AK5: variants seen among roughly 807,000 people sequenced by gnomAD.
The protein encoded by AK5 is adenylate kinase isoenzyme 5.
In AK5, 27 loss-of-function variants were observed where a neutral mutation model predicts 69.5. The ratio of observed to expected loss-of-function variants is 0.39; its 90% CI spans 0.29 to 0.54. The LOEUF is 0.54. Among genes scored for constraint, AK5 ranks in the 20% least tolerant of loss-of-function variants. The probability of loss-of-function intolerance (pLI) is 0.71; values close to 1 mark genes in which losing one functional copy is unlikely to be tolerated. For missense variants in AK5, 531 were observed against 700.4 expected, an observed-to-expected ratio of 0.76 and a Z score of 2.73; for synonymous variants, 260 against 244.4, an observed-to-expected ratio of 1.06 and a Z score of -0.60.
chr1:77,359,241 G>A (rs571605339), intron 6 of AK5, among the ~76,000 whole-genome samples: 18 of 149,146 alleles, frequency 1.2e-4, no homozygotes, highest in Admixed American at 2.0e-4. Context: ...GCGACAGAGC[G>A]AGACTCTGTC....
intron 8 of AK5, among the ~76,000 whole-genome samples, chr1:77,477,040 G>A (rs1158669576): frequency 6.6e-6 from 1 of 151,756 alleles, no homozygotes; most frequent in Non-Finnish European, 1.5e-5. Flanking sequence ...GCGTGTGTGT[G>A]TTTCTGAGAC....
intron 8 of AK5, among the ~76,000 whole-genome samples, chr1:77,435,589 A>G (rs1408353500): frequency 6.6e-6 from 1 of 151,390 alleles, no homozygotes; most frequent in African/African-American, 2.4e-5. Flanking sequence ...CAGAAGTTGC[A>G]GTGAGCCAAG....
rs1165941936 is a variant in AK5 at position 77,293,834 on chromosome 1, C to T, written c.289C>T (p.Arg97Trp). 25 of 1,611,296 alleles carry T rather than the reference C, an allele frequency of 1.6e-5. No individual in the cohort carries two copies. The highest frequency in any genetic ancestry group is 2.1e-5 in the Non-Finnish European group (25 of 1,179,142). ...NSNFPYRRYDRLPPIHQFSIE... is the reference protein window; with the variant it reads ...NSNFPYRRYDWLPPIHQFSIE... ...AAACTTTCCATATCGGCGGTATGACCGGCTCCCTCCAATCCATCAATTCTC... is the reference window on the plus strand; with the variant it reads ...AAACTTTCCATATCGGCGGTATGACTGGCTCCCTCCAATCCATCAATTCTC... The change falls in exon 3 of 14, where the codon CGG (arginine) becomes TGG (tryptophan). Residue 97 changes from arginine to tryptophan, a missense_variant. Physicochemically the swap from Arg to Trp is moderately radical, Grantham distance 101 (BLOSUM62 -3). Coordinates refer to ENST00000354567, the MANE Select transcript of AK5 (RefSeq NM_174858.3).
chr1:77,431,917 T>C (rs1311410258), intron 8 of AK5, among the ~76,000 whole-genome samples: 1 of 152,168 alleles, frequency 6.6e-6, no homozygotes, highest in Non-Finnish European at 1.5e-5. Flanking sequence ...CAGTCCAAGT[T>C]TGGAAAGGCA....
chr1:77,359,913 T>C (rs1190891610), intron 6 of AK5, among the ~76,000 whole-genome samples: 1 of 152,276 alleles, frequency 6.6e-6, no homozygotes, highest in African/African-American at 2.4e-5. Context: ...GAGCCGGGAA[T>C]TGAATTAATA....
intron 10 of AK5, 80 bp from the exon 11 acceptor site, chr1:77,518,484 G>C (rs1657793176): frequency 6.8e-7 from 1 of 1,460,830 alleles, no homozygotes; most frequent in East Asian, 2.3e-5. Flanking sequence ...GAACACTGAG[G>C]CTTGCTCACC....
rs546959985 is a variant in AK5 at position 77,443,872 on chromosome 1, AATT to A, written c.1059+26163_1059+26165del. 5.1e-4 allele frequency among the ~76,000 whole-genome samples: 78 copies of A among 152,050 alleles called. No individual in the cohort carries two copies. In the South Asian group the frequency reaches 0.015, roughly 28 times the overall value. On this transcript the variant is annotated intron_variant, in intron 8 of 13. Coordinates refer to ENST00000354567, the MANE Select transcript of AK5 (RefSeq NM_174858.3). Reference sequence around the variant, plus strand: ...AAGAGATACATCTATATAGTAAAATAATTATTATAGTGGAACAGATTGACACAT... The same window carrying A: ...AAGAGATACATCTATATAGTAAAATAATTATAGTGGAACAGATTGACACAT...
At chr1:77,301,710 T>A (rs1399000489) in intron 5 of AK5, among the ~76,000 whole-genome samples, 1 of 152,202 alleles carries the variant, frequency 6.6e-6, no homozygotes, top group African/African-American at 2.4e-5. Flanking sequence ...GAACTTCATG[T>A]TATCTTCCTT....
intron 13 of AK5, among the ~76,000 whole-genome samples, chr1:77,556,998 G>A (rs991499860): frequency 4.1e-5 from 6 of 146,896 alleles, no homozygotes; most frequent in Non-Finnish European, 7.5e-5. Flanking sequence ...TCCTTTTTTC[G>A]TTTGTTAGCA....
intron 13 of AK5, among the ~76,000 whole-genome samples, chr1:77,549,137 A>G (rs1659686961): frequency 6.6e-6 from 1 of 151,452 alleles, no homozygotes; most frequent in Non-Finnish European, 1.5e-5. Context: ...CGGCCTCCCA[A>G]AGTCCTGGGA....
At chr1:77,371,035 A>G (rs1175584585) in intron 6 of AK5, among the ~76,000 whole-genome samples, 1 of 152,176 alleles carries the variant, frequency 6.6e-6, no homozygotes, top group Non-Finnish European at 1.5e-5. Flanking sequence ...TTCATTACCT[A>G]TGACTCCATC....
intron 12 of AK5, among the ~76,000 whole-genome samples, chr1:77,535,044 G>A (rs965642724): frequency 6.6e-6 from 1 of 152,038 alleles, no homozygotes; most frequent in Non-Finnish European, 1.5e-5. Flanking sequence ...CCGTCCACAT[G>A]GCCTCTCCAC....
chr1:77,296,648 GTT>G (rs1250968629), intron 3 of AK5, among the ~76,000 whole-genome samples: 1 of 152,112 alleles, frequency 6.6e-6, no homozygotes, highest in Non-Finnish European at 1.5e-5. Context: ...GAATAAATCA[GTT>G]TGAATTTGCC....
At chr1:77,332,654 T>C (rs1661152917) in intron 5 of AK5, among the ~76,000 whole-genome samples, 1 of 151,704 alleles carries the variant, frequency 6.6e-6, no homozygotes, top group Admixed American at 6.6e-5. Context: ...ATGCCGAGCT[T>C]ATTTCTACTA....
intron 6 of AK5, among the ~76,000 whole-genome samples, chr1:77,368,032 T>A (rs1239057470): frequency 7.8e-6 from 1 of 128,640 alleles, no homozygotes; most frequent in Non-Finnish European, 1.6e-5. Flanking sequence ...CTTTTAACAA[T>A]GATGGGTGAA....
intron 8 of AK5, among the ~76,000 whole-genome samples, chr1:77,437,763 A>G (rs1486184033): frequency 6.6e-6 from 1 of 152,118 alleles, no homozygotes; most frequent in Non-Finnish European, 1.5e-5. Flanking sequence ...GCAGGAAAGC[A>G]TTTTAGAAAA....
intron 6 of AK5, among the ~76,000 whole-genome samples, chr1:77,363,942 AT>A (rs2100445195): frequency 6.6e-6 from 1 of 152,234 alleles, no homozygotes; most frequent in East Asian, 1.9e-4. Flanking sequence ...TTCTGGTTAG[AT>A]TGTAAGCTCC....
intron 8 of AK5, among the ~76,000 whole-genome samples, chr1:77,421,249 C>T (rs915306602): frequency 3.3e-5 from 5 of 152,118 alleles, no homozygotes; most frequent in Non-Finnish European, 7.3e-5. Context: ...CCTCAGACAA[C>T]TATATTATTA....
At chr1:77,464,183 G>A (rs1469647738) in intron 8 of AK5, among the ~76,000 whole-genome samples, 2 of 152,124 alleles carry the variant, frequency 1.3e-5, no homozygotes, top group African/African-American at 4.8e-5. Context: ...CAGTTTTAAT[G>A]GGTGAAAAGG....
Sources: allele counts gnomAD v4.1 joint callset (sites outside exome capture counted in the v4.1 genomes callset), GRCh38; gene constraint gnomAD v4.1.1; transcripts MANE v1.5; gene names NCBI Gene and HGNC (gene_info 2026-07-23, HGNC 2026-07-21).